Variants in PPP2R2B observed in about 807,000 individuals in gnomAD.
PPP2R2B encodes the protein protein phosphatase 2 regulatory subunit Bbeta.
A neutral mutation model predicts 46.0 loss-of-function variants in PPP2R2B; 5 were observed. That is an observed-to-expected ratio of 0.11 (90% CI 0.06 to 0.23). PPP2R2B has a LOEUF of 0.23. Among genes scored for constraint, PPP2R2B ranks in the 10% least tolerant of loss-of-function variants. PPP2R2B has a pLI of 1.00. For missense variants in PPP2R2B, 367 were observed against 575.0 expected (o/e 0.64, Z 3.70); for synonymous variants, 215 against 206.7 (o/e 1.04, Z -0.34).
At chr5:146,999,824 T>A (rs987351932) in intron 1 of PPP2R2B, among the ~76,000 whole-genome samples, 1 of 152,186 alleles carries the variant, frequency 6.6e-6, no homozygotes, top group Non-Finnish European at 1.5e-5. Context: ...CCCCTTCCCA[T>A]GTGTCATATG....
chr5:146,807,972 TG>T (rs1271372175), intron 2 of PPP2R2B, among the ~76,000 whole-genome samples: 1 of 151,604 alleles, frequency 6.6e-6, no homozygotes, highest in Admixed American at 6.6e-5. Flanking sequence ...GCTAATTTTT[TG>T]TATTTTTAGT....
rs1771686705 is a variant in PPP2R2B at position 146,600,585 on chromosome 5, TG to T, written c.791-126del. 3 of 892,744 alleles carry T rather than the reference TG, an allele frequency of 3.4e-6. No individual in the cohort carries two copies. In the South Asian group the frequency reaches 5.2e-5, roughly 15 times the overall value. 55.3% of individuals were successfully genotyped at this position (892,744 alleles called of 1,614,324 possible). On this transcript the variant is annotated intron_variant, in intron 7 of 9. Coordinates refer to ENST00000394411, the MANE Select transcript of PPP2R2B (RefSeq NM_181675.4). ...TTAAGTAGGGCTGGTGTCTGCAGAA[TG>T]TAAGTTGCTAATAGAGAACTGTCAT...
chr5:146,857,466 C>T (rs1005107883), intron 2 of PPP2R2B, among the ~76,000 whole-genome samples: 1 of 152,018 alleles, frequency 6.6e-6, no homozygotes, highest in African/African-American at 2.4e-5. Flanking sequence ...GCTGATGGTG[C>T]ATGGAGTAGA....
Position 146,908,777 on chromosome 5 carries a change from C to CCCTCCCTTCCTCCCTT in PPP2R2B, c.79+146872_79+146887dup, listed in dbSNP as rs200380168. Among the ~76,000 whole-genome samples the CCCTCCCTTCCTCCCTT allele has an allele frequency of 2.3e-3, 343 of 150,640 alleles. 2 individuals are homozygous for CCCTCCCTTCCTCCCTT. Among genetic ancestry groups the CCCTCCCTTCCTCCCTT allele is most frequent in the African/African-American group, 7.4e-3 (300 of 40,382 alleles). ...TCATGCCTTCTTTCTTCCTTTCCCG[C>CCCTCCCTTCCTCCCTT]CCTCCCTTCCTCCCTTCCTCCCTTC... On this transcript the variant is annotated intron_variant, in intron 1 of 8. Coordinates refer to the PPP2R2B transcript ENST00000336640.
intron 1 of PPP2R2B, among the ~76,000 whole-genome samples, chr5:146,997,695 T>C (rs1458254525): frequency 6.6e-6 from 1 of 152,212 alleles, no homozygotes; most frequent in Non-Finnish European, 1.5e-5. Flanking sequence ...AACAGTAGAC[T>C]CAGTAATATA....
intron 7 of PPP2R2B, among the ~76,000 whole-genome samples, chr5:146,609,551 C>G (rs552437911): frequency 6.6e-6 from 1 of 151,674 alleles, no homozygotes; most frequent in African/African-American, 2.4e-5. Flanking sequence ...ACGCAGAAGA[C>G]GGGTGATTTC....
At chr5:146,604,725 A>C (rs186753587) in intron 7 of PPP2R2B, among the ~76,000 whole-genome samples, 1 of 152,282 alleles carries the variant, frequency 6.6e-6, no homozygotes, top group East Asian at 1.9e-4. Context: ...CACTCTTCTC[A>C]TTTGTAGATA....
At chr5:146,986,337 T>G (rs1753428635) in intron 1 of PPP2R2B, among the ~76,000 whole-genome samples, 1 of 152,008 alleles carries the variant, frequency 6.6e-6, no homozygotes, top group South Asian at 2.1e-4. Context: ...CCACAGAGGG[T>G]GTACTTAGAC....
upstream of PPP2R2B, chr5:147,056,146 T>G: frequency 9.8e-7 from 1 of 1,016,572 alleles, no homozygotes; most frequent in Non-Finnish European, 1.2e-6. Flanking sequence ...ATGGGAGTAG[T>G]GAGGATAAGT....
chr5:146,798,213 A>C (rs1756659062), intron 2 of PPP2R2B, among the ~76,000 whole-genome samples: 1 of 151,804 alleles, frequency 6.6e-6, no homozygotes, highest in Non-Finnish European at 1.5e-5. Flanking sequence ...CTTTATCCCA[A>C]TTTCTTTCAC....
At chr5:146,715,008 A>G (rs1193014261) in intron 2 of PPP2R2B, among the ~76,000 whole-genome samples, 1 of 152,216 alleles carries the variant, frequency 6.6e-6, no homozygotes, top group African/African-American at 2.4e-5. Context: ...GTGATGAGAA[A>G]TCTACTACAA....
chr5:147,001,887 T>C (rs1425789100), intron 1 of PPP2R2B, among the ~76,000 whole-genome samples: 1 of 152,116 alleles, frequency 6.6e-6, no homozygotes, highest in Non-Finnish European at 1.5e-5. Context: ...CTGCTTTTCC[T>C]GTACTTCTGG....
At chr5:146,882,373 C>T (rs934084683), upstream of PPP2R2B, among the ~76,000 whole-genome samples, 1 of 151,862 alleles carries the variant, frequency 6.6e-6, no homozygotes, top group Non-Finnish European at 1.5e-5. Flanking sequence ...ATTTTAATAA[C>T]GTGAACTTTC....
chr5:146,905,095 G>A (rs1050764122), intron 1 of PPP2R2B, among the ~76,000 whole-genome samples: 11 of 152,066 alleles, frequency 7.2e-5, no homozygotes, highest in Non-Finnish European at 1.6e-4. Flanking sequence ...AGTTAAAACC[G>A]CAATGAAATA....
intron 5 of PPP2R2B, among the ~76,000 whole-genome samples, chr5:146,684,411 A>C (rs1778363925): frequency 1.3e-5 from 2 of 152,208 alleles, no homozygotes; most frequent in Non-Finnish European, 2.9e-5. Flanking sequence ...GGTACCTCAG[A>C]GGGAGCAAGA....
chr5:146,725,329 A>G (rs1180855506), intron 2 of PPP2R2B, among the ~76,000 whole-genome samples: 1 of 152,168 alleles, frequency 6.6e-6, no homozygotes, highest in Non-Finnish European at 1.5e-5. Flanking sequence ...TATTGCGAAA[A>G]TGGAAAGTAA....
At chr5:146,795,362 A>C (rs907049754) in intron 2 of PPP2R2B, among the ~76,000 whole-genome samples, 6 of 152,202 alleles carry the variant, frequency 3.9e-5, no homozygotes, top group African/African-American at 1.4e-4. Flanking sequence ...TCAGCCTTAA[A>C]AAAGGAAACC....
intron 2 of PPP2R2B, among the ~76,000 whole-genome samples, chr5:146,868,134 CCT>C (rs1373805089): frequency 6.6e-6 from 1 of 152,194 alleles, no homozygotes; most frequent in African/African-American, 2.4e-5. Flanking sequence ...TTGCTGAGTC[CCT>C]GATTCACTCC....
chr5:146,782,194 A>G (rs909767930), intron 2 of PPP2R2B, among the ~76,000 whole-genome samples: 1 of 152,192 alleles, frequency 6.6e-6, no homozygotes, highest in Non-Finnish European at 1.5e-5. Context: ...ACTGTGAGCC[A>G]GTTAAACCTC....
Sources: gnomAD v4.1 joint callset for allele counts (sites outside exome capture counted in the v4.1 genomes callset) on GRCh38, gnomAD v4.1.1 for gene constraint, MANE v1.5 for transcripts, NCBI Gene and HGNC (gene_info 2026-07-23, HGNC 2026-07-21) for gene names.